Variants in WSCD1 observed in about 807,000 individuals in gnomAD.
WSCD1 encodes the protein sialate:O-sulfotransferase 1.
WSCD1 carries 41 observed loss-of-function variants against 60.4 expected under a neutral mutation model. The ratio of observed to expected loss-of-function variants is 0.68; its 90% confidence interval spans 0.53 to 0.88. WSCD1 has a LOEUF of 0.88. Among genes scored for constraint, WSCD1 ranks in the 40% least tolerant of loss-of-function variants. The pLI is 0.00. For missense variants in WSCD1, 784 were observed against 796.2 expected, an observed-to-expected ratio of 0.98 and a Z score of 0.18; for synonymous variants, 361 against 332.5, an observed-to-expected ratio of 1.09 and a Z score of -0.93.
At position 6,109,593 on chromosome 17, in the gene WSCD1, T is replaced by C; in HGVS notation, c.850-14T>C. The C allele has an allele frequency of 6.2e-7, 1 of 1,612,514 alleles. No homozygotes were observed. The highest frequency in any genetic ancestry group is 8.5e-7 in the Non-Finnish European group (1 of 1,178,934). ...TTCACTCAGTGTGCTTCTCTTCTTA[T>C]CGTTCCCTGGCAGGAGTTCCCCTTG... On this transcript the variant is annotated splice_polypyrimidine_tract_variant and intron_variant, in intron 5 of 8. Coordinates refer to ENST00000317744, the MANE Select transcript of WSCD1 (RefSeq NM_015253.2).
At position 6,120,614 on chromosome 17, in the gene WSCD1, C is replaced by A; in HGVS notation, c.1681C>A (p.Arg561Ser). 1 of 1,613,410 alleles carries A rather than the reference C, an allele frequency of 6.2e-7. No homozygotes were observed. The highest frequency in any genetic ancestry group is 8.5e-7 in the Non-Finnish European group (1 of 1,179,946). Reference protein sequence around the residue: ...GYIRTVDQALRDHNWTGLPRE... With the variant: ...GYIRTVDQALSDHNWTGLPRE... ...CATCCGGACGGTGGACCAAGCCCTG[C>A]GTGACCACAACTGGACGGGGCTGCC... is the stretch of plus-strand genomic sequence containing the variant. The change falls in exon 9 of 9, where the codon CGT becomes AGT. Residue 561 changes from arginine (R) to serine (S), a missense_variant. Transcript: ENST00000317744.
rs1260434328 is a variant in WSCD1, at chr17:6,118,666, G to A, written c.1375+478G>A. Among the ~76,000 whole-genome samples, 1 of 152,146 alleles carries A rather than the reference G, an allele frequency of 6.6e-6. No homozygotes were observed. The highest frequency in any genetic ancestry group is 1.5e-5 in the Non-Finnish European group (1 of 68,030). The stretch of plus-strand genomic sequence containing the variant: ...AGCAGTGAGATGATGTGCCTGCCTG[G>A]TCTCTGGTCAGAGCTCAGCATGTTA... On this transcript the variant is annotated intron_variant, in intron 8 of 8. Transcript: ENST00000317744. This position sits in a 1 kb window ranked among gnomAD's most constrained non-coding sequence, Gnocchi z 5.8.
Position 6,101,522 on chromosome 17 carries a change from A to G in WSCD1, c.849+6299A>G, listed in dbSNP as rs773092612. On this transcript the variant is annotated intron_variant, in intron 5 of 8. Coordinates refer to ENST00000317744, the MANE Select transcript of WSCD1 (RefSeq NM_015253.2). This position sits in a 1 kb window ranked among gnomAD's most constrained non-coding sequence, Gnocchi z 4.1. ...ATTTGTGGCCCCAGATAAAATGTCT[A>G]CTGTTTTTGCTAGTTCGCGAAAATG... 7.2e-5 allele frequency among the ~76,000 whole-genome samples: 11 copies of G among 152,114 alleles called. No individual in the cohort carries two copies. Among genetic ancestry groups the G allele is most frequent in the Non-Finnish European group, 1.3e-4 (9 of 68,018 alleles).
At chr17:6,111,913 G>A (rs1214794485) in intron 7 of WSCD1, among the ~76,000 whole-genome samples, 1 of 152,106 alleles carries the variant, frequency 6.6e-6, no homozygotes, top group Non-Finnish European at 1.5e-5. Flanking sequence ...ATCCGAATGA[G>A]AAATTCGATA....
Position 6,122,539 on chromosome 17 carries a change from G to T in WSCD1, c.*1878G>T, listed in dbSNP as rs1904776339. The stretch of plus-strand genomic sequence containing the variant: ...ATCAGGAGCAATTGAGACCCCTCAG[G>T]AGTTTCCACACTGCTGTGGACGGGA... On this transcript the variant is annotated 3_prime_UTR_variant, in exon 9 of 9. Transcript: ENST00000317744. 3 of 152,282 alleles carry T rather than the reference G, an allele frequency of 2.0e-5. No individual in the cohort carries two copies. The highest frequency in any genetic ancestry group is 2.0e-4 in the Admixed American group (3 of 15,284). 9.4% of individuals were successfully genotyped at this position (152,282 alleles called of 1,614,324 possible). A position where few individuals can be genotyped will look rare whatever the true frequency, so the allele number is the denominator to read the frequency against.
At chr17:6,099,383 C>T (rs953324447) in intron 5 of WSCD1, among the ~76,000 whole-genome samples, 3 of 151,796 alleles carry the variant, frequency 2.0e-5, no homozygotes, top group East Asian at 3.9e-4. Context: ...GGTGTGGTGG[C>T]GCCTGCCTGT....
At chr17:6,072,385 G>C (rs551017037) in intron 1 of WSCD1, among the ~76,000 whole-genome samples, 8 of 152,204 alleles carry the variant, frequency 5.3e-5, no homozygotes, top group Non-Finnish European at 8.8e-5. Context: ...CTGAGCAGGC[G>C]ACTCAGAGCC....
At position 6,113,093 on chromosome 17, in the gene WSCD1, A is replaced by C. The variant is rs114267023; in HGVS notation, c.1174+2158A>C. On this transcript the variant is annotated intron_variant, in intron 7 of 8. Coordinates refer to ENST00000317744, the MANE Select transcript of WSCD1 (RefSeq NM_015253.2). ...AAAACAGCATGGTACTGCTACAAAA[A>C]CAGATGCATAGACCAATGGAACAAA... Among the ~76,000 whole-genome samples the C allele has an allele frequency of 7.5e-3, 1,137 of 152,294 alleles. 20 individuals carry two copies. Among genetic ancestry groups the C allele is most frequent in the African/African-American group, 0.026 (1,076 of 41,562 alleles).
rs544359564 is a variant in WSCD1 at position 6,088,845 on chromosome 17, C to T, written c.542+741C>T. Among the ~76,000 whole-genome samples, 11 of 149,968 alleles carry T rather than the reference C, an allele frequency of 7.3e-5. No individual in the cohort carries two copies. In the South Asian group the frequency reaches 8.5e-4, roughly 12 times the overall value. ...TTGCCCAGGCTGGAGTGCAGTGGCG[C>T]GATCTCCACTCACTGCAAGCTCCAC... On this transcript the variant is annotated intron_variant, in intron 3 of 8. Coordinates refer to ENST00000317744, the MANE Select transcript of WSCD1 (RefSeq NM_015253.2).
chr17:6,089,314 G>A (rs1286128270), intron 3 of WSCD1, among the ~76,000 whole-genome samples: 5 of 152,310 alleles, frequency 3.3e-5, no homozygotes, highest in South Asian at 2.1e-4. Context: ...GGGTCTCACC[G>A]CCAGGACGTG....
rs772295058 is a variant in WSCD1, at chr17:6,075,358, G to A, written c.-289+4706G>A. On this transcript the variant is annotated intron_variant, in intron 1 of 8. Transcript: ENST00000317744. The surrounding 1 kb of genome is among the most constrained non-coding windows in gnomAD (Gnocchi z 4.1). ...CACTGGCTGCACCTGGGCCAGCTCC[G>A]AGTTCTATCTTGCAGCCCCCAGCCC... Among the ~76,000 whole-genome samples, 4 of 152,040 alleles carry A rather than the reference G, an allele frequency of 2.6e-5. No individual in the cohort carries two copies. Among genetic ancestry groups the A allele is most frequent in the Admixed American group, 6.6e-5 (1 of 15,258 alleles).
Position 6,120,383 on chromosome 17 carries a change from C to T in WSCD1, c.1450C>T (p.Arg484Trp), listed in dbSNP as rs1040631502. 1.1e-5 allele frequency: 18 copies of T among 1,614,012 alleles called. No homozygotes were observed. The highest frequency in any genetic ancestry group is 1.4e-5 in the Non-Finnish European group (17 of 1,179,994). ...HVLDWLKYGK[R>W]LLVVHYEELR... ...CCTGGACTGGCTCAAGTACGGGAAG[C>T]GGCTGCTGGTGGTGCACTACGAGGA... The change falls in exon 9 of 9, where the codon CGG becomes TGG. Residue 484 changes from arginine (R) to tryptophan (W), a missense_variant. Arg to Trp is a moderately radical substitution (Grantham distance 101). Coordinates refer to ENST00000317744, the MANE Select transcript of WSCD1 (RefSeq NM_015253.2).
chr17:6,104,649 T>C (rs1379223500), intron 5 of WSCD1, among the ~76,000 whole-genome samples: 1 of 152,242 alleles, frequency 6.6e-6, no homozygotes, highest in African/African-American at 2.4e-5. Flanking sequence ...TCTTTCCTTT[T>C]TGTACCTTGA....
chr17:6,122,534 C>G lies in WSCD1; in HGVS notation c.*1873C>G, dbSNP rs1270206499. The G allele has an allele frequency of 2.6e-5, 4 of 152,248 alleles. No individual in the cohort carries two copies. The highest frequency in any genetic ancestry group is 9.6e-5 in the African/African-American group (4 of 41,458). 9.4% of individuals were successfully genotyped at this position (152,248 alleles called of 1,614,324 possible). On this transcript the variant is annotated 3_prime_UTR_variant, in exon 9 of 9. Transcript: ENST00000317744. The stretch of plus-strand genomic sequence containing the variant: ...CTAGTATCAGGAGCAATTGAGACCC[C>G]TCAGGAGTTTCCACACTGCTGTGGA...
In WSCD1 at chr17:6,120,629, A is replaced by G. The variant is rs768591638; in HGVS notation, c.1696A>G (p.Thr566Ala). The G allele has an allele frequency of 6.2e-6, 10 of 1,613,026 alleles. No homozygotes were observed. Among genetic ancestry groups the G allele is most frequent in the Admixed American group, 1.7e-5 (1 of 60,002 alleles). ...VDQALRDHNW[T>A]GLPREYVPR The stretch of plus-strand genomic sequence containing the variant: ...CCAAGCCCTGCGTGACCACAACTGG[A>G]CGGGGCTGCCCAGGGAGTATGTGCC... Residue 566 changes from threonine to alanine, a missense_variant, in exon 9 of 9, where the codon ACG becomes GCG. Physicochemically the swap from Thr to Ala is moderately conservative, Grantham distance 58 (BLOSUM62 0). Transcript: ENST00000317744.
intron 5 of WSCD1, among the ~76,000 whole-genome samples, chr17:6,099,603 A>C (rs1166065514): frequency 6.6e-6 from 1 of 152,034 alleles, no homozygotes; most frequent in Non-Finnish European, 1.5e-5. Flanking sequence ...ACCGAGTGTC[A>C]TGGCCACCTC....
At chr17:6,090,299 C>T (rs1435500167) in intron 3 of WSCD1, 22 bp from the exon 4 acceptor site, 1 of 1,560,268 alleles carries the variant, frequency 6.4e-7, no homozygotes, top group African/African-American at 1.4e-5. Flanking sequence ...GGTCCGGACT[C>T]ACCCAGGCCT....
At chr17:6,089,787 C>T (rs993563993) in intron 3 of WSCD1, among the ~76,000 whole-genome samples, 4 of 152,166 alleles carry the variant, frequency 2.6e-5, no homozygotes, top group Non-Finnish European at 4.4e-5. Context: ...CCTGTAACCA[C>T]GGCACTCTGC....
At chr17:6,114,740 G>C (rs143158112) in intron 7 of WSCD1, among the ~76,000 whole-genome samples, 126 of 151,904 alleles carry the variant, frequency 8.3e-4, no homozygotes, top group African/African-American at 2.6e-3. Flanking sequence ...TTGTTACATA[G>C]GTATGCATGT....
Sources: gnomAD v4.1 joint callset for allele counts (sites outside exome capture counted in the v4.1 genomes callset) on GRCh38, gnomAD v4.1.1 for gene constraint, Gnocchi (gnomAD v3.1) non-coding constraint, MANE v1.5 for transcripts, NCBI Gene and HGNC (gene_info 2026-07-23, HGNC 2026-07-21) for gene names.